Variants in OSTC observed in about 807,000 individuals in gnomAD.
OSTC encodes the protein oligosaccharyltransferase complex subunit OSTC.
Under a neutral mutation model 16.4 loss-of-function variants are expected in OSTC, and 16 were observed. The observed-to-expected ratio is 0.98, with a 90% CI of 0.66 to 1.49. OSTC has a LOEUF of 1.49. Among genes scored for constraint, OSTC ranks in the 40% most tolerant of loss-of-function variants. The pLI is 0.00. For synonymous variants in OSTC, 67 were observed against 68.5 expected, an observed-to-expected ratio of 0.98 and a Z score of 0.11; for missense variants, 139 against 186.3, an observed-to-expected ratio of 0.75 and a Z score of 1.48.
At chr4:108,650,966 C>T (rs1375420887) in intron 1 of OSTC, 172 bp downstream of exon 1, 3 of 846,748 alleles carry the variant, frequency 3.5e-6, no homozygotes, top group African/African-American at 1.7e-5. Context: ...CAAGTTTATT[C>T]GCCTTCACGC....
At chr4:108,662,503 A>G (rs562023803) in intron 3 of OSTC, among the ~76,000 whole-genome samples, 1 of 152,204 alleles carries the variant, frequency 6.6e-6, no homozygotes, top group Non-Finnish European at 1.5e-5. Context: ...CATTTCTGTT[A>G]TGCATAGTAC....
chr4:108,653,021 A>G (rs752614165), intron 1 of OSTC, among the ~76,000 whole-genome samples: 2 of 152,224 alleles, frequency 1.3e-5, no homozygotes, highest in Non-Finnish European at 2.9e-5. Flanking sequence ...CCTGGGCAAC[A>G]GAGCAAGGCC....
rs1000210648 is a variant in OSTC, at chr4:108,657,882, G to T, written c.431+235G>T. On this transcript the variant is annotated intron_variant, in intron 3 of 3. Transcript: ENST00000361564. ...TCATGAGAGAAAATTTAGTTACTTTGTCCTGGCATCAATGACTGAAGATAG... is the reference window on the plus strand; with the variant it reads ...TCATGAGAGAAAATTTAGTTACTTTTTCCTGGCATCAATGACTGAAGATAG... Among the ~76,000 whole-genome samples the T allele has an allele frequency of 6.3e-5, 8 of 127,782 alleles. No individual in the cohort carries two copies. In the East Asian group the frequency reaches 2.0e-3, roughly 32 times the overall value. The allele number at this position is 127,782 out of a possible 152,430, so 83.8% of individuals were successfully genotyped here.
intron 3 of OSTC, among the ~76,000 whole-genome samples, chr4:108,658,018 G>A (rs1726758052): frequency 7.5e-6 from 1 of 133,062 alleles, no homozygotes; most frequent in Non-Finnish European, 1.5e-5. Context: ...TGCAACCTCT[G>A]CCTCCCGGGC....
chr4:108,665,445 C>CTT (rs371138600), intron 3 of OSTC, among the ~76,000 whole-genome samples: 3,996 of 113,880 alleles, frequency 0.035, 183 homozygotes, highest in African/African-American at 0.087. Context: ...TGTTGTAAAC[C>CTT]TTTTTTTTTT....
chr4:108,658,262 A>G (rs1021426528), intron 3 of OSTC, among the ~76,000 whole-genome samples: 1 of 152,094 alleles, frequency 6.6e-6, no homozygotes, highest in Non-Finnish European at 1.5e-5. Context: ...CCTTTTGGCT[A>G]ATCTGTAACA....
intron 1 of OSTC, chr4:108,651,167 T>G (rs919796524): frequency 4.1e-5 from 9 of 219,658 alleles, no homozygotes; most frequent in East Asian, 1.1e-4. Flanking sequence ...TGGTTGGTTG[T>G]TTGATAAAGG....
At position 108,650,618 on chromosome 4, in the gene OSTC, G is replaced by T; in HGVS notation, c.-38G>T. The T allele has an allele frequency of 6.2e-7, 1 of 1,607,650 alleles. No homozygotes were observed. The highest frequency in any genetic ancestry group is 1.1e-5 in the South Asian group (1 of 90,758). On this transcript the variant is annotated 5_prime_UTR_variant, in exon 1 of 4. Coordinates refer to ENST00000361564, the MANE Select transcript of OSTC (RefSeq NM_021227.4). ...GCGGGCCTGTTTCCGGGAGGCGCGTGGGGCTTGAGGCCGAGAACGGCCCTT... is the reference window on the plus strand; with the variant it reads ...GCGGGCCTGTTTCCGGGAGGCGCGTTGGGCTTGAGGCCGAGAACGGCCCTT...
chr4:108,661,683 C>T (rs548490944), intron 3 of OSTC, among the ~76,000 whole-genome samples: 9 of 152,266 alleles, frequency 5.9e-5, no homozygotes, highest in East Asian at 3.9e-4. Context: ...CTGCTACCTC[C>T]GCCTCCCAGG....
chr4:108,650,599 C>A lies in OSTC; in HGVS notation c.-57C>A, dbSNP rs1726499509. 6.2e-7 allele frequency: 1 copy of A among 1,602,008 alleles called. No homozygotes were observed. Among genetic ancestry groups the A allele is most frequent in the South Asian group, 1.1e-5 (1 of 89,904 alleles). On this transcript the variant is annotated 5_prime_UTR_variant, in exon 1 of 4. The change creates a new upstream start codon in the 5' untranslated region. Coordinates refer to ENST00000361564, the MANE Select transcript of OSTC (RefSeq NM_021227.4). ...CGCGCACTTGTTAGGGAGGGCGGGCCTGTTTCCGGGAGGCGCGTGGGGCTT... is the reference window on the plus strand; with the variant it reads ...CGCGCACTTGTTAGGGAGGGCGGGCATGTTTCCGGGAGGCGCGTGGGGCTT...
chr4:108,656,099 T>C (rs1199190575), intron 2 of OSTC, among the ~76,000 whole-genome samples: 1 of 152,188 alleles, frequency 6.6e-6, no homozygotes, highest in Non-Finnish European at 1.5e-5. Flanking sequence ...ATATGGGTAT[T>C]TAAGAAAATA....
At chr4:108,651,612 A>C (rs1250707317) in intron 1 of OSTC, 1 of 152,188 alleles carries the variant, frequency 6.6e-6, no homozygotes. Context: ...CCACAGTTCC[A>C]AGATTTACTT....
At chr4:108,656,137 A>G (rs1726695276) in intron 2 of OSTC, among the ~76,000 whole-genome samples, 1 of 152,214 alleles carries the variant, frequency 6.6e-6, no homozygotes, top group African/African-American at 2.4e-5. Context: ...GGTCTATACC[A>G]TTAAATAACA....
chr4:108,653,417 G>A (rs558170726), intron 1 of OSTC, among the ~76,000 whole-genome samples: 2 of 152,250 alleles, frequency 1.3e-5, no homozygotes, highest in South Asian at 2.1e-4. Context: ...GGAAACGTAG[G>A]GCAAATGTGA....
intron 3 of OSTC, among the ~76,000 whole-genome samples, chr4:108,658,472 A>G (rs1726769312): frequency 6.6e-6 from 1 of 151,608 alleles, no homozygotes; most frequent in African/African-American, 2.4e-5. Flanking sequence ...ATGTGTATTT[A>G]AAGATTATTT....
chr4:108,655,093 T>C (rs1414996222), intron 1 of OSTC, among the ~76,000 whole-genome samples: 1 of 152,212 alleles, frequency 6.6e-6, no homozygotes, highest in Non-Finnish European at 1.5e-5. Flanking sequence ...GTTGAATGTC[T>C]GAATGATTTA....
intron 3 of OSTC, 128 bp downstream of exon 3, chr4:108,657,775 A>G: frequency 2.4e-6 from 2 of 816,508 alleles, no homozygotes; most frequent in Non-Finnish European, 3.8e-6. Flanking sequence ...AACCAAATAT[A>G]TTTGTAACTT....
chr4:108,662,283 T>C (rs1288704371), intron 3 of OSTC, among the ~76,000 whole-genome samples: 1 of 152,248 alleles, frequency 6.6e-6, no homozygotes, highest in African/African-American at 2.4e-5. Context: ...GGGAATGATA[T>C]GCTGCATATA....
chr4:108,652,900 G>A lies in OSTC; in HGVS notation c.139+2106G>A, dbSNP rs144966868. On this transcript the variant is annotated intron_variant, in intron 1 of 3. Transcript: ENST00000361564. ...TGAAAATACAAAAAATTAACCAGGCGTGGTGGTACACGCCTGTAGTCCCAG... is the reference window on the plus strand; with the variant it reads ...TGAAAATACAAAAAATTAACCAGGCATGGTGGTACACGCCTGTAGTCCCAG... 5.0e-3 allele frequency among the ~76,000 whole-genome samples: 764 copies of A among 152,166 alleles called. 4 individuals are homozygous for A. Among genetic ancestry groups the A allele is most frequent in the African/African-American group, 0.017 (690 of 41,530 alleles).
Sources: allele counts gnomAD v4.1 joint callset (sites outside exome capture counted in the v4.1 genomes callset), GRCh38; gene constraint gnomAD v4.1.1; transcripts MANE v1.5; gene names NCBI Gene and HGNC (gene_info 2026-07-23, HGNC 2026-07-21).